ZNF678: variants seen among roughly 807,000 people sequenced by gnomAD.
ZNF678 encodes hypothetical protein MGC42493.
A neutral mutation model predicts 3.0 loss-of-function variants in ZNF678; 5 were observed. The observed-to-expected ratio is 1.69, with a 90% CI of 0.88 to 3.56. ZNF678 has a LOEUF of 3.56. Ranked by LOEUF, ZNF678 falls within the 30% of genes most tolerant of loss-of-function variation. The pLI, the probability that ZNF678 is intolerant of heterozygous loss-of-function variation, is 0.00. For missense variants in ZNF678, 593 were observed against 605.0 expected, an observed-to-expected ratio of 0.98 and a Z score of 0.21; for synonymous variants, 218 against 199.6, an observed-to-expected ratio of 1.09 and a Z score of -0.78.
rs181565283 is a variant in ZNF678, at chr1:227,625,299, C to T, written c.-163-21245C>T. On this transcript the variant is annotated intron_variant, in intron 1 of 3. Coordinates refer to ENST00000343776, the MANE Select transcript of ZNF678 (RefSeq NM_001367909.1). Reference sequence around the variant, plus strand: ...CAGTACCCCCTCTCAACAGGAAAACCGAAGTGCTGTTGGGGAGGTTGGCCG... The same window carrying T: ...CAGTACCCCCTCTCAACAGGAAAACTGAAGTGCTGTTGGGGAGGTTGGCCG... 4.6e-3 allele frequency among the ~76,000 whole-genome samples: 706 copies of T among 152,192 alleles called. 6 individuals are homozygous for T. The highest frequency in any genetic ancestry group is 0.016 in the African/African-American group (677 of 41,532).
chr1:227,646,763 CATGA>C, intron 2 of ZNF678, 93 bp downstream of exon 2: 1 of 1,160,052 alleles, frequency 8.6e-7, no homozygotes, highest in South Asian at 1.4e-5. Flanking sequence ...TTGTCATTTG[CATGA>C]ATGAGTTTTT....
Position 227,654,829 on chromosome 1 carries a change from G to T in ZNF678, c.579G>T (p.Trp193Cys), listed in dbSNP as rs761389569. The change falls in exon 4 of 4, where the codon TGG becomes TGT. Residue 193 changes from tryptophan to cysteine, a missense_variant. Trp to Cys is a radical substitution (Grantham distance 215). Transcript: ENST00000343776. ...AATGTGACAAAGTTTTTAATTGGTG[G>T]TCACAACTAACTAGCCATAAGAAAA... ...CDECDKVFNWWSQLTSHKKIH... is the reference protein window; with the variant it reads ...CDECDKVFNWCSQLTSHKKIH... 1 of 1,605,780 alleles carries T rather than the reference G, an allele frequency of 6.2e-7. No individual in the cohort carries two copies. Among genetic ancestry groups the T allele is most frequent in the Non-Finnish European group, 8.5e-7 (1 of 1,178,516 alleles).
chr1:227,590,791 C>T (rs1166370121), intron 1 of ZNF678, among the ~76,000 whole-genome samples: 1 of 151,712 alleles, frequency 6.6e-6, no homozygotes, highest in African/African-American at 2.4e-5. Context: ...TCTGGGTAGG[C>T]CTAAATGGTC....
rs150569543 is a variant in ZNF678, at chr1:227,569,138, T to A, written c.-164+5414T>A. ...TGGAATAACTAGGACTACAGGCATA[T>A]ACTACCATGCCTGGCTAATTTGTAA... On this transcript the variant is annotated intron_variant, in intron 1 of 3. Coordinates refer to ENST00000343776, the MANE Select transcript of ZNF678 (RefSeq NM_001367909.1). Among the ~76,000 whole-genome samples the A allele has an allele frequency of 4.9e-3, 742 of 152,318 alleles. 3 individuals are homozygous for A. Among genetic ancestry groups the A allele is most frequent in the Non-Finnish European group, 5.2e-3 (354 of 68,028 alleles).
In ZNF678 at chr1:227,655,306, A is replaced by T. The variant is rs144600021; in HGVS notation, c.1056A>T (p.Glu352Asp). ...IHTGEKPYKC[E>D]ECGRTFTQFS... ...CTGGAGAGAAACCCTACAAATGTGA[A>T]GAATGTGGCAGAACCTTTACTCAAT... Residue 352 changes from glutamate (E) to aspartate (D), a missense_variant, in exon 4 of 4, where the codon GAA (glutamate) becomes GAT (aspartate). Glu to Asp is a conservative substitution (Grantham distance 45). Transcript: ENST00000343776. The T allele has an allele frequency of 2.4e-4, 382 of 1,601,296 alleles. No homozygotes were observed. In the Admixed American group the frequency reaches 4.5e-3, roughly 19 times the overall value.
chr1:227,661,603 A>G lies in ZNF678; in HGVS notation c.*5775A>G, dbSNP rs899714786. The stretch of plus-strand genomic sequence containing the variant: ...AAACATTAGTCCCTACAAGAACCCT[A>G]TGAGGTTTATCTTCTTTTCACCCAT... On this transcript the variant is annotated 3_prime_UTR_variant, in exon 4 of 4. Coordinates refer to ENST00000343776, the MANE Select transcript of ZNF678 (RefSeq NM_001367909.1). 2.0e-5 allele frequency: 3 copies of G among 152,152 alleles called. No individual in the cohort carries two copies. Among genetic ancestry groups the G allele is most frequent in the Admixed American group, 6.5e-5 (1 of 15,278 alleles). 9.4% of individuals were successfully genotyped at this position (152,152 alleles called of 1,614,324 possible).
intron 1 of ZNF678, among the ~76,000 whole-genome samples, chr1:227,643,338 TG>T (rs1658869031): frequency 6.6e-6 from 1 of 152,310 alleles, no homozygotes; most frequent in South Asian, 2.1e-4. Flanking sequence ...AATAGAGAAT[TG>T]TCTTAATTGA....
chr1:227,632,485 G>T (rs557060597), intron 1 of ZNF678, among the ~76,000 whole-genome samples: 1 of 152,092 alleles, frequency 6.6e-6, no homozygotes, highest in Non-Finnish European at 1.5e-5. Context: ...GATCTCGACC[G>T]GCCAATGCTG....
chr1:227,607,089 C>T lies in ZNF678; in HGVS notation c.-163-39455C>T, dbSNP rs1657890899. On this transcript the variant is annotated intron_variant, in intron 1 of 3. Transcript: ENST00000343776. ...TGGCAGAATTATCAGTGATGCCATC[C>T]AGATCTGAGATACTCTATACATGAT... Among the ~76,000 whole-genome samples the T allele has an allele frequency of 3.3e-5, 5 of 152,152 alleles. 1 individual carries two copies. The highest frequency in any genetic ancestry group is 3.3e-4 in the Admixed American group (5 of 15,276).
At chr1:227,582,888 A>T (rs940471165) in intron 1 of ZNF678, among the ~76,000 whole-genome samples, 7 of 152,092 alleles carry the variant, frequency 4.6e-5, no homozygotes, top group African/African-American at 4.8e-5. Context: ...AGTTGGTCAT[A>T]TATATTTTGT....
chr1:227,646,402 G>C (rs573206483), intron 1 of ZNF678, 142 bp from the exon 2 acceptor site: 1 of 727,308 alleles, frequency 1.4e-6, no homozygotes, highest in African/African-American at 1.9e-5. Context: ...GAATGCATTC[G>C]AGAATCTTTG....
In ZNF678 at chr1:227,577,853, T is replaced by A. The variant is rs557382307; in HGVS notation, c.-164+14129T>A. Among the ~76,000 whole-genome samples the A allele has an allele frequency of 2.0e-5, 3 of 152,322 alleles. No individual in the cohort carries two copies. The East Asian group carries it at 5.8e-4, about 29-fold the overall frequency. ...TGTCACTGGTCTGTGTACTTCAGTG[T>A]GTTTTTGTAGTGGCTGGTAACAGTC... On this transcript the variant is annotated intron_variant, in intron 1 of 3. Coordinates refer to ENST00000343776, the MANE Select transcript of ZNF678 (RefSeq NM_001367909.1).
chr1:227,580,069 G>A (rs551988724), intron 1 of ZNF678, among the ~76,000 whole-genome samples: 2 of 152,294 alleles, frequency 1.3e-5, no homozygotes, highest in African/African-American at 4.8e-5. Flanking sequence ...CCAGAGGCCT[G>A]TGAGAGTGGA....
chr1:227,622,861 C>A (rs1211589752), intron 1 of ZNF678, among the ~76,000 whole-genome samples: 4 of 152,184 alleles, frequency 2.6e-5, no homozygotes, highest in Admixed American at 2.0e-4. Context: ...TTTGTCACTT[C>A]AGACATCCTG....
intron 1 of ZNF678, among the ~76,000 whole-genome samples, chr1:227,581,921 G>A (rs1016540386): frequency 3.9e-5 from 6 of 152,146 alleles, no homozygotes; most frequent in Non-Finnish European, 7.4e-5. Flanking sequence ...CAAACATTTC[G>A]TATGTTTTCT....
chr1:227,637,292 T>TGAATAGA (rs1658702366), intron 1 of ZNF678, among the ~76,000 whole-genome samples: 2 of 152,168 alleles, frequency 1.3e-5, no homozygotes, highest in Admixed American at 1.3e-4. Flanking sequence ...GGGGTTTCTA[T>TGAATAGA]GAATAGAGAA....
intron 1 of ZNF678, among the ~76,000 whole-genome samples, chr1:227,624,555 G>C (rs1194672714): frequency 6.6e-6 from 1 of 152,190 alleles, no homozygotes; most frequent in Non-Finnish European, 1.5e-5. Flanking sequence ...CCGAGATGGT[G>C]GTGGACCACT....
rs1659404498 is a variant in ZNF678 at position 227,661,455 on chromosome 1, A to G, written c.*5627A>G. The G allele has an allele frequency of 1.3e-5, 2 of 152,156 alleles. No homozygotes were observed. The highest frequency in any genetic ancestry group is 4.8e-5 in the African/African-American group (2 of 41,442). The allele number at this position is 152,156 out of a possible 1,614,324, so 9.4% of individuals were successfully genotyped here. On this transcript the variant is annotated 3_prime_UTR_variant, in exon 4 of 4. Transcript: ENST00000343776. ...TTCCCAACAATAAGGGACATGAGTC[A>G]TTGGGGCATGTTACAGAGAGTTTCA...
rs1657664661 is a variant in ZNF678, at chr1:227,598,971, A to G, written c.-164+35247A>G. On this transcript the variant is annotated intron_variant, in intron 1 of 3. Coordinates refer to ENST00000343776, the MANE Select transcript of ZNF678 (RefSeq NM_001367909.1). ...CAGTTCTCATTCATTTTTTTCTTCA[A>G]ATTCAGCCAAAACCTTGGAGCCTTT... 5.6e-6 allele frequency: 6 copies of G among 1,065,080 alleles called. No individual in the cohort carries two copies. In the South Asian group the frequency reaches 6.3e-5, roughly 11 times the overall value. The allele number at this position is 1,065,080 out of a possible 1,614,324, so 66.0% of individuals were successfully genotyped here.
Sources: gnomAD v4.1 joint callset for allele counts (sites outside exome capture counted in the v4.1 genomes callset) on GRCh38, gnomAD v4.1.1 for gene constraint, MANE v1.5 for transcripts, NCBI Gene and HGNC (gene_info 2026-07-23, HGNC 2026-07-21) for gene names.